VPS13B: variants seen among roughly 807,000 people sequenced by gnomAD.
The protein encoded by VPS13B is vacuolar protein sorting 13 homolog B, also known as intermembrane lipid transfer protein VPS13B.
In VPS13B, 285 loss-of-function variants were observed where a neutral mutation model predicts 426.4. The ratio of observed to expected loss-of-function variants is 0.67; its 90% CI spans 0.61 to 0.74. The LOEUF is 0.74. Ranked by LOEUF, VPS13B falls within the 30% of genes least tolerant of loss-of-function variation. The pLI, the probability that VPS13B is intolerant of heterozygous loss-of-function variation, is 0.00. For synonymous variants in VPS13B, 1,676 were observed against 1,676.4 expected (o/e 1.00, Z 0.01); for missense variants, 4,537 against 4,782.6 (o/e 0.95, Z 1.51).
intron 19 of VPS13B, chr8:99,348,313 G>C (rs1811660358): frequency 1.3e-5 from 2 of 152,162 alleles, no homozygotes; most frequent in South Asian, 4.1e-4. Context: ...TGCCATAAGA[G>C]TTCTCTATTT....
intron 16 of VPS13B, among the ~76,000 whole-genome samples, chr8:99,176,520 A>G (rs556664244): frequency 2.0e-5 from 3 of 152,320 alleles, no homozygotes; most frequent in Admixed American, 1.3e-4. Context: ...CCATGATGCT[A>G]TAAGACAAAG....
chr8:99,126,855 A>G (rs1447011510), intron 8 of VPS13B, among the ~76,000 whole-genome samples: 1 of 152,160 alleles, frequency 6.6e-6, no homozygotes. Flanking sequence ...GCACTTTAGG[A>G]GGCCAAAGCA....
intron 29 of VPS13B, among the ~76,000 whole-genome samples, chr8:99,513,034 A>G (rs1054397517): frequency 5.9e-5 from 9 of 151,464 alleles, no homozygotes; most frequent in South Asian, 2.1e-4. Context: ...AAAAAAAACC[A>G]TAATGTTGCA....
intron 19 of VPS13B, among the ~76,000 whole-genome samples, chr8:99,311,765 T>C (rs551905693): frequency 1.3e-5 from 2 of 152,180 alleles, no homozygotes; most frequent in African/African-American, 4.8e-5. Flanking sequence ...ATGTTGATAG[T>C]GGGGTGTTAT....
intron 30 of VPS13B, among the ~76,000 whole-genome samples, chr8:99,545,718 A>T (rs766691447): frequency 2.0e-5 from 3 of 152,088 alleles, no homozygotes; most frequent in Non-Finnish European, 4.4e-5. Context: ...CTATACACTT[A>T]GGATTATCTT....
At chr8:99,763,342 TATTC>T (rs2130603869) in intron 39 of VPS13B, among the ~76,000 whole-genome samples, 1 of 152,196 alleles carries the variant, frequency 6.6e-6, no homozygotes, top group African/African-American at 2.4e-5. Context: ...ATTCATGAAT[TATTC>T]ATTCATTTAT....
rs531309265 is a variant in VPS13B, at chr8:99,029,664, C to A, written c.148-8759C>A. ...GGCGGCGCGCGCCTGCAATCGCAGG[C>A]ACTCGGCAGGCTGAGGCAGGAGAAT... On this transcript the variant is annotated intron_variant, in intron 2 of 61. Transcript: ENST00000357162. Among the ~76,000 whole-genome samples the A allele has an allele frequency of 4.0e-3, 610 of 151,570 alleles. 5 individuals are homozygous for A. The highest frequency in any genetic ancestry group is 8.3e-3 in the South Asian group (40 of 4,810).
At chr8:99,292,486 G>A (rs989205373) in intron 19 of VPS13B, among the ~76,000 whole-genome samples, 1 of 152,130 alleles carries the variant, frequency 6.6e-6, no homozygotes, top group African/African-American at 2.4e-5. Context: ...TCAGGGAGAT[G>A]TGATCAATTT....
Position 99,875,667 on chromosome 8 carries a change from G to GT in VPS13B, c.*2dup. The GT allele has an allele frequency of 6.2e-7, 1 of 1,614,060 alleles. No individual in the cohort carries two copies. On this transcript the variant is annotated 3_prime_UTR_variant, in exon 62 of 62. Coordinates refer to ENST00000357162, the MANE Select transcript of VPS13B (RefSeq NM_152564.5). ...AGCCCTGAGGAAAGGGTTTCCTTGA[G>GT]TCCCCTCTGAGGTGTTTATTCCTGC...
At chr8:99,089,659 C>A (rs1846038193) in intron 3 of VPS13B, among the ~76,000 whole-genome samples, 1 of 152,074 alleles carries the variant, frequency 6.6e-6, no homozygotes, top group Admixed American at 6.6e-5. Context: ...GAACAAAGTT[C>A]TTATTATGCA....
At position 99,871,607 on chromosome 8, in the gene VPS13B, C is replaced by T. The variant is rs368092348; in HGVS notation, c.11655C>T (p.Pro3885=). The change falls in exon 61 of 62, where the codon CCC becomes CCT. Residue 3885 remains proline, a synonymous_variant. Transcript: ENST00000357162. ...VSEDTQQQAF[P]VTEIDCAQDS... ...AGGACACACAGCAGCAGGCCTTCCC[C>T]GTCACAGAAATCGACTGTGCACAGG... is the stretch of plus-strand genomic sequence containing the variant. 2.2e-5 allele frequency: 35 copies of T among 1,614,048 alleles called. No homozygotes were observed. Among genetic ancestry groups the T allele is most frequent in the Non-Finnish European group, 2.7e-5 (32 of 1,180,048 alleles).
intron 19 of VPS13B, among the ~76,000 whole-genome samples, chr8:99,312,936 G>A (rs140718382): frequency 3.9e-5 from 6 of 152,128 alleles, no homozygotes; most frequent in East Asian, 1.9e-4. Flanking sequence ...AATCCCTGAT[G>A]CCCTTTCTTC....
chr8:99,379,374 G>A (rs909032907), intron 19 of VPS13B, among the ~76,000 whole-genome samples: 2 of 152,036 alleles, frequency 1.3e-5, no homozygotes, highest in East Asian at 3.9e-4. Flanking sequence ...GGGGGCAACA[G>A]AACTTATTTT....
In VPS13B at chr8:99,646,923, G is replaced by A. The variant is rs192471650; in HGVS notation, c.5908+4425G>A. Among the ~76,000 whole-genome samples, 4 of 152,148 alleles carry A rather than the reference G, an allele frequency of 2.6e-5. No homozygotes were observed. In the East Asian group the frequency reaches 7.7e-4, roughly 29 times the overall value. ...GAAGCCAAGCAGATGTTAGTGCAGT[G>A]TACCGCCTGCAGAGCCATAATCCAA... is the stretch of plus-strand genomic sequence containing the variant. On this transcript the variant is annotated intron_variant, in intron 34 of 61. Coordinates refer to ENST00000357162, the MANE Select transcript of VPS13B (RefSeq NM_152564.5).
chr8:99,593,606 G>A (rs188941514), intron 33 of VPS13B, among the ~76,000 whole-genome samples: 5 of 152,098 alleles, frequency 3.3e-5, no homozygotes, highest in Admixed American at 1.3e-4. Context: ...ATACATGCAC[G>A]TATATGTTCA....
intron 40 of VPS13B, among the ~76,000 whole-genome samples, chr8:99,767,392 G>T (rs1033283686): frequency 6.9e-6 from 1 of 144,640 alleles, no homozygotes; most frequent in Non-Finnish European, 1.5e-5. Context: ...AAATTGAATT[G>T]TCTCCTTCTA....
At chr8:99,139,898 CT>C (rs984473743) in intron 12 of VPS13B, among the ~76,000 whole-genome samples, 6 of 149,218 alleles carry the variant, frequency 4.0e-5, no homozygotes, top group African/African-American at 1.2e-4. Context: ...TTTGTGACAA[CT>C]TTTTTTTTGT....
intron 19 of VPS13B, among the ~76,000 whole-genome samples, chr8:99,307,393 A>G (rs1235190300): frequency 1.3e-5 from 2 of 152,094 alleles, no homozygotes; most frequent in African/African-American, 4.8e-5. Flanking sequence ...TCACTCACAG[A>G]TATGAAAGCA....
At chr8:99,635,147 T>A (rs1242335504) in intron 33 of VPS13B, among the ~76,000 whole-genome samples, 1 of 152,002 alleles carries the variant, frequency 6.6e-6, no homozygotes, top group African/African-American at 2.4e-5. Context: ...AAAATTCTCC[T>A]TTGTAATCTC....
Sources: allele counts gnomAD v4.1 joint callset (sites outside exome capture counted in the v4.1 genomes callset), GRCh38; gene constraint gnomAD v4.1.1; transcripts MANE v1.5; gene names NCBI Gene and HGNC (gene_info 2026-07-23, HGNC 2026-07-21).